Variants in RAD50 observed in about 807,000 individuals in gnomAD.
RAD50 encodes the protein DNA repair protein RAD50.
Under a neutral mutation model 168.8 loss-of-function variants are expected in RAD50, and 132 were observed. That is an observed-to-expected ratio of 0.78 (90% CI 0.68 to 0.90). The LOEUF (loss-of-function observed/expected upper bound fraction) is 0.90, where lower values mean the gene tolerates loss of function less well. Among genes scored for constraint, RAD50 ranks in the 40% least tolerant of loss-of-function variants. The pLI is 0.00. For synonymous variants in RAD50, 525 were observed against 497.4 expected (o/e 1.06, Z -0.74); for missense variants, 1,347 against 1,534.4 (o/e 0.88, Z 2.04).
At chr5:132,638,315 C>T in intron 23 of RAD50, 92 bp downstream of exon 23, 2 of 1,453,808 alleles carry the variant, frequency 1.4e-6, no homozygotes, top group Non-Finnish European at 9.5e-7. Flanking sequence ...CAAGGCTACA[C>T]CTGAATGGTG....
Position 132,591,890 on chromosome 5 carries a change from A to G in RAD50, c.1649A>G (p.Glu550Gly), listed in dbSNP as rs776286539. Reference protein sequence around the residue: ...MLTKDKADKDEQIRKIKSRHS... With the variant: ...MLTKDKADKDGQIRKIKSRHS... ...TTTTACCTATAGGCTGACAAAGATGAACAAATCAGAAAAATAAAATCTAGG... is the reference window on the plus strand; with the variant it reads ...TTTTACCTATAGGCTGACAAAGATGGACAAATCAGAAAAATAAAATCTAGG... Residue 550 changes from glutamate (E) to glycine (G), a missense_variant, in exon 11 of 25, where the codon GAA becomes GGA. Glu to Gly is a moderately conservative substitution (Grantham distance 98, BLOSUM62 -2). Coordinates refer to ENST00000378823, the MANE Select transcript of RAD50 (RefSeq NM_005732.4). The G allele has an allele frequency of 6.2e-7, 1 of 1,605,036 alleles. No homozygotes were observed. Among genetic ancestry groups the G allele is most frequent in the East Asian group, 2.2e-5 (1 of 44,706 alleles).
chr5:132,613,594 CTTT>C (rs869151568), intron 19 of RAD50, among the ~76,000 whole-genome samples: 4 of 111,160 alleles, frequency 3.6e-5, no homozygotes, highest in African/African-American at 3.7e-5. Context: ...TCACAATAGT[CTTT>C]TTTTTTTTTT....
In RAD50 at chr5:132,616,139, T is replaced by C. The variant is rs1159952143; in HGVS notation, c.3164+9T>C. The C allele has an allele frequency of 1.2e-6, 2 of 1,610,468 alleles. No homozygotes were observed. Among genetic ancestry groups the C allele is most frequent in the Non-Finnish European group, 8.5e-7 (1 of 1,177,506 alleles). On this transcript the variant is annotated intron_variant, in intron 20 of 24. Coordinates refer to ENST00000378823, the MANE Select transcript of RAD50 (RefSeq NM_005732.4). ...GTTTTGCAAATGAAAAGGTATGCTTTTAAAATAATCTTCAGTTTAAATAAA... is the reference window on the plus strand; with the variant it reads ...GTTTTGCAAATGAAAAGGTATGCTTCTAAAATAATCTTCAGTTTAAATAAA...
At chr5:132,564,814 G>A (rs1318179303) in intron 2 of RAD50, among the ~76,000 whole-genome samples, 1 of 151,984 alleles carries the variant, frequency 6.6e-6, no homozygotes, top group Non-Finnish European at 1.5e-5. Context: ...CTCCAGCCAT[G>A]GCTAAAAGGG....
At chr5:132,561,215 C>T (rs993759274) in intron 2 of RAD50, among the ~76,000 whole-genome samples, 1 of 151,716 alleles carries the variant, frequency 6.6e-6, no homozygotes, top group African/African-American at 2.4e-5. Context: ...TTTTATGAGA[C>T]GGAGTCTTGC....
At position 132,604,654 on chromosome 5, in the gene RAD50, A is replaced by G. The variant is rs1303228176; in HGVS notation, c.2525-152A>G. 4.4e-6 allele frequency: 3 copies of G among 684,708 alleles called. No individual in the cohort carries two copies. The East Asian group carries it at 8.1e-5, about 19-fold the overall frequency. The allele number at this position is 684,708 out of a possible 1,614,324, so 42.4% of individuals were successfully genotyped here. ...GGAACATCAAGCTGATTTGAGAACT[A>G]GCAGGGTTCTCATTGTATTTTTGTT... is the stretch of plus-strand genomic sequence containing the variant. On this transcript the variant is annotated intron_variant, in intron 15 of 24. Transcript: ENST00000378823.
At chr5:132,567,893 G>A (rs1419373864) in intron 2 of RAD50, among the ~76,000 whole-genome samples, 1 of 152,124 alleles carries the variant, frequency 6.6e-6, no homozygotes. Context: ...TTTAAAGGAA[G>A]CCTACTCAGT....
chr5:132,605,311 G>A (rs895927225), intron 16 of RAD50, among the ~76,000 whole-genome samples: 3 of 151,908 alleles, frequency 2.0e-5, no homozygotes, highest in African/African-American at 7.3e-5. Flanking sequence ...CCAAAGTGCT[G>A]GGATTACAGG....
At chr5:132,597,681 G>A (rs1000919290) in intron 13 of RAD50, among the ~76,000 whole-genome samples, 5 of 152,192 alleles carry the variant, frequency 3.3e-5, no homozygotes, top group Non-Finnish European at 5.9e-5. Flanking sequence ...GACTTCATGC[G>A]AGACCCTGAG....
rs1388640812 is a variant in RAD50, at chr5:132,608,715, C to G, written c.2819C>G (p.Ala940Gly). 1 of 1,583,202 alleles carries G rather than the reference C, an allele frequency of 6.3e-7. No homozygotes were observed. Among genetic ancestry groups the G allele is most frequent in the East Asian group, 2.3e-5 (1 of 42,572 alleles). The change falls in exon 17 of 25, where the codon GCA (alanine) becomes GGA (glycine). Residue 940 changes from alanine to glycine, a missense_variant. Physicochemically the swap from Ala to Gly is moderately conservative, Grantham distance 60. Transcript: ENST00000378823. Reference protein sequence around the residue: ...INKKNTSNKIAQDKLNDIKEK... With the variant: ...INKKNTSNKIGQDKLNDIKEK... ...AAAAAAAATACAAGCAACAAAATAG[C>G]ACAGGATAAAGTAAGATTTCATTTA...
At chr5:132,622,274 C>T (rs773628387) in intron 21 of RAD50, among the ~76,000 whole-genome samples, 1 of 152,010 alleles carries the variant, frequency 6.6e-6, no homozygotes, top group South Asian at 2.1e-4. Context: ...AGTTCTCATT[C>T]CTCAGCCTCC....
chr5:132,588,999 A>T lies in RAD50; in HGVS notation c.1245+119A>T, dbSNP rs934361969. On this transcript the variant is annotated intron_variant, in intron 8 of 24. Coordinates refer to ENST00000378823, the MANE Select transcript of RAD50 (RefSeq NM_005732.4). ...ATTTTTCTATTAGTGTTAGGATAAA[A>T]TCTGCTACAAGGCAGAAAAACCTTT... 115 of 1,103,964 alleles carry T rather than the reference A, an allele frequency of 1.0e-4. No homozygotes were observed. The Middle Eastern group carries it at 1.6e-3, about 16-fold the overall frequency. 68.4% of individuals were successfully genotyped at this position (1,103,964 alleles called of 1,614,324 possible).
At chr5:132,631,511 C>T (rs898296702) in intron 21 of RAD50, among the ~76,000 whole-genome samples, 2 of 152,172 alleles carry the variant, frequency 1.3e-5, no homozygotes, top group African/African-American at 4.8e-5. Context: ...ATACTCCAGG[C>T]AGGTGGTGGA....
intron 21 of RAD50, among the ~76,000 whole-genome samples, chr5:132,630,281 A>T (rs957930929): frequency 6.6e-6 from 1 of 152,112 alleles, no homozygotes; most frequent in African/African-American, 2.4e-5. Context: ...TGACCTTGTG[A>T]TCCACCTGCC....
intron 21 of RAD50, among the ~76,000 whole-genome samples, chr5:132,622,346 A>G (rs1751300475): frequency 6.6e-6 from 1 of 151,984 alleles, no homozygotes; most frequent in Non-Finnish European, 1.5e-5. Flanking sequence ...TTTATTACAG[A>G]TGGGGTTTTG....
rs775294169 is a variant in RAD50, at chr5:132,595,662, GT to G, written c.2064del (p.Gln689ArgfsTer31). Reference sequence around the variant, plus strand: ...GTCATGTTGCCCCGTTTGTCAGAGAGTTTTTCAGACAGAGGCTGAGTTACAA... The same window carrying G: ...GTCATGTTGCCCCGTTTGTCAGAGAGTTTTCAGACAGAGGCTGAGTTACAA... ...NQSCCPVCQR[V>X]FQTEAELQEV... On this transcript the variant is annotated frameshift_variant, in exon 13 of 25. Transcript: ENST00000378823. LOFTEE classifies it high-confidence loss of function. 5 of 1,613,990 alleles carry G rather than the reference GT, an allele frequency of 3.1e-6. No individual in the cohort carries two copies. The South Asian group carries it at 5.5e-5, about 18-fold the overall frequency.
chr5:132,593,830 C>T (rs1370246414), intron 11 of RAD50, among the ~76,000 whole-genome samples: 1 of 152,140 alleles, frequency 6.6e-6, no homozygotes, highest in Non-Finnish European at 1.5e-5. Flanking sequence ...GAAGCACAAA[C>T]ATTTAAAATG....
chr5:132,629,865 C>T (rs1751432835), intron 21 of RAD50, among the ~76,000 whole-genome samples: 1 of 151,988 alleles, frequency 6.6e-6, no homozygotes, highest in African/African-American at 2.4e-5. Context: ...TGGTCAGAGA[C>T]ACATAGATGA....
intron 16 of RAD50, among the ~76,000 whole-genome samples, chr5:132,606,079 CAA>C (rs1028727168): frequency 3.4e-4 from 52 of 152,072 alleles, no homozygotes; most frequent in African/African-American, 1.2e-3. Flanking sequence ...ACTAGAGAAA[CAA>C]GAGCAAACAA....
Sources: allele counts gnomAD v4.1 joint callset (sites outside exome capture counted in the v4.1 genomes callset), GRCh38; gene constraint gnomAD v4.1.1; transcripts MANE v1.5; gene names NCBI Gene and HGNC (gene_info 2026-07-23, HGNC 2026-07-21).